GRK5: variants seen among roughly 807,000 people sequenced by gnomAD.
GRK5 encodes the protein g protein-coupled receptor kinase GRK5.
Under a neutral mutation model 78.4 loss-of-function variants are expected in GRK5, and 40 were observed. That is an observed-to-expected ratio of 0.51 (90% CI 0.40 to 0.66). The LOEUF (loss-of-function observed/expected upper bound fraction) is 0.66, where lower values mean the gene tolerates loss of function less well. Ranked by LOEUF, GRK5 falls within the 30% of genes least tolerant of loss-of-function variation. The pLI is 0.00. For missense variants in GRK5, 598 were observed against 759.9 expected (o/e 0.79, Z 2.50); for synonymous variants, 289 against 296.8 (o/e 0.97, Z 0.27).
chr10:119,320,420 G>A (rs1456022189), intron 1 of GRK5, among the ~76,000 whole-genome samples: 1 of 152,236 alleles, frequency 6.6e-6, no homozygotes, highest in Non-Finnish European at 1.5e-5. Context: ...TTGGCACGTA[G>A]AGGTTGAATG....
At position 119,436,791 on chromosome 10, in the gene GRK5, A is replaced by C. The variant is rs752031014; in HGVS notation, c.879A>C (p.Ala293=). 1.7e-5 allele frequency: 27 copies of C among 1,613,730 alleles called. No individual in the cohort carries two copies. In the Admixed American group the frequency reaches 3.0e-4, roughly 18 times the overall value. Residue 293 remains alanine, a synonymous_variant, in exon 9 of 16, where the codon GCA becomes GCC. Coordinates refer to ENST00000392870, the MANE Select transcript of GRK5 (RefSeq NM_005308.3). The part of the protein sequence containing the change: ...FEEERALFYA[A]EILCGLEDLH... ...AGGAGCGGGCCTTGTTTTATGCGGC[A>C]GAGATCCTCTGCGGCTTAGAAGACC...
chr10:119,308,652 C>T (rs1850311143), intron 1 of GRK5, among the ~76,000 whole-genome samples: 1 of 152,264 alleles, frequency 6.6e-6, no homozygotes, highest in South Asian at 2.1e-4. Flanking sequence ...ATGGCTTCTC[C>T]TGTGCCACGC....
At chr10:119,426,871 T>A (rs1398806770) in intron 6 of GRK5, among the ~76,000 whole-genome samples, 1 of 152,170 alleles carries the variant, frequency 6.6e-6, no homozygotes, top group Non-Finnish European at 1.5e-5. Flanking sequence ...ATCATTGCCA[T>A]CAACAGCATC....
intron 8 of GRK5, among the ~76,000 whole-genome samples, chr10:119,432,809 G>A (rs968174988): frequency 2.6e-5 from 4 of 152,186 alleles, no homozygotes; most frequent in African/African-American, 9.7e-5. Flanking sequence ...GGTGGCTCAC[G>A]CCTGTAATCT....
At chr10:119,262,620 C>T (rs1272889907) in intron 1 of GRK5, among the ~76,000 whole-genome samples, 4 of 151,970 alleles carry the variant, frequency 2.6e-5, no homozygotes. Context: ...GGGATTTGGG[C>T]GTGAGCCACC....
At chr10:119,404,692 A>G (rs1852205134) in intron 4 of GRK5, among the ~76,000 whole-genome samples, 1 of 152,210 alleles carries the variant, frequency 6.6e-6, no homozygotes, top group Admixed American at 6.5e-5. Flanking sequence ...GAAGAACGAG[A>G]GCCCCACTGC....
intron 1 of GRK5, among the ~76,000 whole-genome samples, chr10:119,312,072 A>G (rs764833261): frequency 1.8e-4 from 28 of 151,622 alleles, no homozygotes; most frequent in Non-Finnish European, 4.0e-4. Flanking sequence ...ACCCGCTGCT[A>G]ATTTTTGTTT....
chr10:119,278,858 C>T (rs745420485), intron 1 of GRK5, among the ~76,000 whole-genome samples: 8 of 152,106 alleles, frequency 5.3e-5, no homozygotes, highest in East Asian at 1.9e-4. Flanking sequence ...ACCTGCACCC[C>T]GGTGTCTTTC....
chr10:119,313,178 GAT>G (rs1850416590), intron 1 of GRK5, among the ~76,000 whole-genome samples: 1 of 151,538 alleles, frequency 6.6e-6, no homozygotes, highest in East Asian at 1.9e-4. Context: ...TGGTGGTGGT[GAT>G]GGTGATGATG....
chr10:119,419,225 C>T (rs1222472093), intron 4 of GRK5, among the ~76,000 whole-genome samples: 1 of 152,230 alleles, frequency 6.6e-6, no homozygotes, highest in Non-Finnish European at 1.5e-5. Context: ...TGAGGTTACT[C>T]AGAACCCCAG....
intron 1 of GRK5, among the ~76,000 whole-genome samples, chr10:119,215,054 G>A (rs1589682927): frequency 6.6e-6 from 1 of 152,200 alleles, no homozygotes; most frequent in African/African-American, 2.4e-5. Context: ...GATTGGCCTG[G>A]GTATGTCCTT....
intron 6 of GRK5, among the ~76,000 whole-genome samples, chr10:119,428,786 C>G (rs2133892337): frequency 6.6e-6 from 1 of 152,300 alleles, no homozygotes; most frequent in African/African-American, 2.4e-5. Flanking sequence ...CTAGGAATGC[C>G]CTACATATCA....
At chr10:119,417,503 A>C (rs1852482386) in intron 4 of GRK5, among the ~76,000 whole-genome samples, 1 of 152,200 alleles carries the variant, frequency 6.6e-6, no homozygotes. Flanking sequence ...ATTGCTGTAC[A>C]AATGCAGCTT....
chr10:119,451,112 C>CTGCCAGCCCCCCACAGTCATCCA (rs555556565), intron 13 of GRK5, among the ~76,000 whole-genome samples: 1 of 97,084 alleles, frequency 1.0e-5, no homozygotes, highest in African/African-American at 3.9e-5. Context: ...ACCGTCGTCC[C>CTGCCAGCCCCCCACAGTCATCCA]TGCCAGCCCC....
At chr10:119,290,514 A>G (rs1849938073) in intron 1 of GRK5, among the ~76,000 whole-genome samples, 1 of 152,036 alleles carries the variant, frequency 6.6e-6, no homozygotes. Context: ...GACGATTTTA[A>G]AGCTGCATCT....
At chr10:119,345,433 G>A (rs191257663) in intron 2 of GRK5, among the ~76,000 whole-genome samples, 1 of 152,276 alleles carries the variant, frequency 6.6e-6, no homozygotes, top group Admixed American at 6.5e-5. Flanking sequence ...GCCTCACCGG[G>A]TAGAAACTTC....
intron 3 of GRK5, among the ~76,000 whole-genome samples, chr10:119,394,200 G>A (rs376359604): frequency 0.092 from 3,385 of 36,724 alleles, 198 homozygotes; most frequent in African/African-American, 0.21. Context: ...GTATGGGGGT[G>A]TGTATCTGTG....
rs576756696 is a variant in GRK5, at chr10:119,368,102, C to T, written c.149-12713C>T. 6.6e-5 allele frequency among the ~76,000 whole-genome samples: 10 copies of T among 152,332 alleles called. No individual in the cohort carries two copies. The East Asian group carries it at 7.7e-4, about 12-fold the overall frequency. ...CATAGCTCCAGGGGAAGCCAGACCC[C>T]GGGCCCTGGAAGGCAAGATGGGCCC... is the stretch of plus-strand genomic sequence containing the variant. On this transcript the variant is annotated intron_variant, in intron 2 of 15. Coordinates refer to ENST00000392870, the MANE Select transcript of GRK5 (RefSeq NM_005308.3).
chr10:119,275,613 G>GCACACACACACA (rs796867686), intron 1 of GRK5, among the ~76,000 whole-genome samples: 8 of 120,752 alleles, frequency 6.6e-5, no homozygotes, highest in African/African-American at 2.0e-4. Flanking sequence ...TCTCTCTCTC[G>GCACACACACACA]CACACACACA....
Sources: gnomAD v4.1 joint callset for allele counts (sites outside exome capture counted in the v4.1 genomes callset) on GRCh38, gnomAD v4.1.1 for gene constraint, MANE v1.5 for transcripts, NCBI Gene and HGNC (gene_info 2026-07-23, HGNC 2026-07-21) for gene names.